Variants in CPD observed in about 807,000 individuals in gnomAD.
CPD encodes the protein carboxypeptidase D, also known as metallocarboxypeptidase D.
A neutral mutation model predicts 138.3 loss-of-function variants in CPD; 69 were observed. The observed-to-expected ratio is 0.50, with a 90% CI of 0.41 to 0.61. The LOEUF is 0.61. Among genes scored for constraint, CPD ranks in the 20% least tolerant of loss-of-function variants. The pLI, the probability that CPD is intolerant of heterozygous loss-of-function variation, is 0.00. For missense variants in CPD, 1,432 were observed against 1,733.3 expected, an observed-to-expected ratio of 0.83 and a Z score of 3.09; for synonymous variants, 651 against 642.1, an observed-to-expected ratio of 1.01 and a Z score of -0.21.
At chr17:30,463,124 C>T (rs1251835210) in intron 20 of CPD, among the ~76,000 whole-genome samples, 1 of 152,168 alleles carries the variant, frequency 6.6e-6, no homozygotes, top group Non-Finnish European at 1.5e-5. Flanking sequence ...AGTTTTGGGG[C>T]CAGTTTATGG....
At position 30,431,815 on chromosome 17, in the gene CPD, A is replaced by G. The variant is rs149755386; in HGVS notation, c.2061A>G (p.Gly687=). ...VNYPFDDDEQ[G]LATYSKSPDD... is the part of the protein sequence containing the mutation. ...ACCCTTTTGATGATGATGAACAAGG[A>G]CTTGCCACATATAGTAAATCACCAG... Residue 687 remains glycine, a synonymous_variant, in exon 8 of 21, where the codon GGA becomes GGG. Coordinates refer to ENST00000225719, the MANE Select transcript of CPD (RefSeq NM_001304.5). The G allele has an allele frequency of 3.3e-4, 530 of 1,613,248 alleles. No homozygotes were observed. In the African/African-American group the frequency reaches 6.4e-3, roughly 20 times the overall value.
At chr17:30,446,252 T>G (rs1913028833) in intron 12 of CPD, among the ~76,000 whole-genome samples, 1 of 152,134 alleles carries the variant, frequency 6.6e-6, no homozygotes, top group African/African-American at 2.4e-5. Flanking sequence ...TGTATACATG[T>G]GCCATGTTGG....
At chr17:30,437,885 G>T (rs1912746754) in intron 8 of CPD, among the ~76,000 whole-genome samples, 1 of 151,846 alleles carries the variant, frequency 6.6e-6, no homozygotes, top group Non-Finnish European at 1.5e-5. Flanking sequence ...CACCCAGGCT[G>T]TAGTGCAGTG....
chr17:30,399,617 T>C (rs1035758155), intron 2 of CPD, among the ~76,000 whole-genome samples: 1 of 152,236 alleles, frequency 6.6e-6, no homozygotes, highest in African/African-American at 2.4e-5. Flanking sequence ...GATAGTCATA[T>C]AGCTACTCCA....
intron 17 of CPD, 132 bp downstream of exon 17, chr17:30,456,658 A>G (rs1162400613): frequency 3.9e-6 from 3 of 760,386 alleles, no homozygotes; most frequent in African/African-American, 3.5e-5. Context: ...CCTGGCCAAC[A>G]TGGTGAAACC....
intron 10 of CPD, among the ~76,000 whole-genome samples, chr17:30,443,105 C>G (rs1401953087): frequency 6.6e-6 from 1 of 151,934 alleles, no homozygotes; most frequent in African/African-American, 2.4e-5. Context: ...CTAGATTTAA[C>G]ATTTTTAACA....
At chr17:30,430,458 T>C (rs907719131) in intron 7 of CPD, among the ~76,000 whole-genome samples, 2 of 152,218 alleles carry the variant, frequency 1.3e-5, no homozygotes, top group African/African-American at 4.8e-5. Context: ...TTGTGGCATA[T>C]ATCAGTACTT....
intron 2 of CPD, among the ~76,000 whole-genome samples, chr17:30,416,272 C>T (rs903737586): frequency 9.9e-5 from 15 of 152,072 alleles, no homozygotes; most frequent in Non-Finnish European, 1.9e-4. Context: ...GCGGAGGTTG[C>T]GGTGAGCCGA....
chr17:30,425,367 G>A (rs1912376044), intron 6 of CPD, among the ~76,000 whole-genome samples: 1 of 152,104 alleles, frequency 6.6e-6, no homozygotes, highest in Admixed American at 6.6e-5. Context: ...GGAGTATAGA[G>A]TTCCTGGCCA....
At chr17:30,426,959 T>C (rs1912429612) in intron 6 of CPD, among the ~76,000 whole-genome samples, 1 of 151,882 alleles carries the variant, frequency 6.6e-6, no homozygotes, top group Admixed American at 6.6e-5. Flanking sequence ...GGGGGGTGGG[T>C]CACCTGATGT....
intron 20 of CPD, among the ~76,000 whole-genome samples, chr17:30,462,770 G>A (rs1212610001): frequency 6.6e-6 from 1 of 152,198 alleles, no homozygotes; most frequent in African/African-American, 2.4e-5. Flanking sequence ...CTTCAGCGCT[G>A]AGAACCTCCA....
chr17:30,462,662 A>G (rs948402042), intron 20 of CPD, among the ~76,000 whole-genome samples, 193 bp downstream of exon 20: 3 of 152,266 alleles, frequency 2.0e-5, no homozygotes, highest in Non-Finnish European at 4.4e-5. Context: ...TGCCGAGACC[A>G]GCTCCATCAA....
intron 3 of CPD, among the ~76,000 whole-genome samples, 196 bp downstream of exon 3, chr17:30,421,179 C>G (rs1277197318): frequency 6.6e-6 from 1 of 152,152 alleles, no homozygotes; most frequent in East Asian, 1.9e-4. Context: ...TCCCCTGCCC[C>G]TTACCCCCAG....
intron 2 of CPD, among the ~76,000 whole-genome samples, chr17:30,398,844 TA>T (rs903146068): frequency 2.9e-4 from 43 of 150,762 alleles, no homozygotes; most frequent in African/African-American, 9.4e-4. Context: ...ATTTTAAAAA[TA>T]AAAAAAATTT....
At chr17:30,404,004 T>C (rs191912686) in intron 2 of CPD, among the ~76,000 whole-genome samples, 1 of 152,268 alleles carries the variant, frequency 6.6e-6, no homozygotes, top group African/African-American at 2.4e-5. Context: ...AGAAGCCTAA[T>C]ACAAAAGGCT....
chr17:30,431,849 G>A lies in CPD; in HGVS notation c.2095G>A (p.Val699Met). 4 of 1,611,312 alleles carry A rather than the reference G, an allele frequency of 2.5e-6. No homozygotes were observed. The highest frequency in any genetic ancestry group is 3.4e-6 in the Non-Finnish European group (4 of 1,178,302). ...ATYSKSPDDA[V>M]FQQIALSYSK... ...ATATAGTAAATCACCAGATGATGCT[G>A]TGTTCCAACAAATAGCACTTTCTTA... Residue 699 changes from valine to methionine, a missense_variant, in exon 8 of 21, where the codon GTG becomes ATG. By Grantham distance (21) the Val-to-Met change is conservative (BLOSUM62 1). Coordinates refer to ENST00000225719, the MANE Select transcript of CPD (RefSeq NM_001304.5).
intron 2 of CPD, among the ~76,000 whole-genome samples, chr17:30,401,221 C>G (rs1431146522): frequency 7.0e-6 from 1 of 143,678 alleles, no homozygotes; most frequent in Admixed American, 7.3e-5. Context: ...GCTTCTGCTT[C>G]TGCTTCTTCT....
At chr17:30,380,400 G>GA (rs1567863258) in intron 1 of CPD, 1 of 1,023,066 alleles carries the variant, frequency 9.8e-7, no homozygotes, top group Non-Finnish European at 1.2e-6. Flanking sequence ...CTCAGCTTAA[G>GA]AAGATATGGA....
At chr17:30,380,075 GTTATC>G (rs1911000860) in intron 1 of CPD, among the ~76,000 whole-genome samples, 1 of 152,216 alleles carries the variant, frequency 6.6e-6, no homozygotes, top group Admixed American at 6.5e-5. Context: ...TGTCAATGTT[GTTATC>G]TTATATCAAA....
Sources: gnomAD v4.1 joint callset for allele counts (sites outside exome capture counted in the v4.1 genomes callset) on GRCh38, gnomAD v4.1.1 for gene constraint, MANE v1.5 for transcripts, NCBI Gene and HGNC (gene_info 2026-07-23, HGNC 2026-07-21) for gene names.